SLIT2: variants seen among roughly 807,000 people sequenced by gnomAD.
SLIT2 encodes slit guidance ligand 2.
SLIT2 carries 41 observed loss-of-function variants against 185.7 expected under a neutral mutation model. That is an observed-to-expected ratio of 0.22 (90% CI 0.17 to 0.29). The LOEUF (loss-of-function observed/expected upper bound fraction) is 0.29, where lower values mean the gene tolerates loss of function less well. SLIT2 is among the 10% of genes least tolerant of loss of function. The pLI, the probability that SLIT2 is intolerant of heterozygous loss-of-function variation, is 1.00. For synonymous variants in SLIT2, 693 were observed against 680.2 expected (o/e 1.02, Z -0.29); for missense variants, 1,571 against 1,909.0 (o/e 0.82, Z 3.30).
At chr4:20,438,843 G>A (rs535771999) in intron 4 of SLIT2, among the ~76,000 whole-genome samples, 1 of 152,190 alleles carries the variant, frequency 6.6e-6, no homozygotes, top group Non-Finnish European at 1.5e-5. Context: ...TACTTAATGC[G>A]GTTTATGTGT....
In SLIT2 at chr4:20,549,068, A is replaced by G; in HGVS notation, c.2429A>G (p.Tyr810Cys). Residue 810 changes from tyrosine to cysteine, a missense_variant, in exon 24 of 37, where the codon TAC becomes TGC. Physicochemically the swap from Tyr to Cys is radical, Grantham distance 194. This residue lies in a region of SLIT2 where 1,202 missense variants were observed against 1,416.4 expected (regional missense o/e 0.85). Coordinates refer to ENST00000504154, the MANE Select transcript of SLIT2 (RefSeq NM_004787.4). Reference sequence around the variant, plus strand: ...ATGTATGCTTTCAGAATTCTTAGTTACAACCGTCTGAGATGTATTCCTCCT... The same window carrying G: ...ATGTATGCTTTCAGAATTCTTAGTTGCAACCGTCTGAGATGTATTCCTCCT... ...MTQLLTLILS[Y>C]NRLRCIPPRT... is the part of the protein sequence containing the mutation. 1 of 1,595,672 alleles carries G rather than the reference A, an allele frequency of 6.3e-7. No individual in the cohort carries two copies. Among genetic ancestry groups the G allele is most frequent in the Non-Finnish European group, 8.6e-7 (1 of 1,163,738 alleles).
chr4:20,376,162 G>T (rs1406447030), intron 4 of SLIT2, among the ~76,000 whole-genome samples: 3 of 121,690 alleles, frequency 2.5e-5, no homozygotes, highest in African/African-American at 9.7e-5. Flanking sequence ...TTAGTGTCTG[G>T]CTTCTTACAA....
At chr4:20,339,996 C>T (rs1720831418) in intron 4 of SLIT2, among the ~76,000 whole-genome samples, 1 of 152,158 alleles carries the variant, frequency 6.6e-6, no homozygotes. Flanking sequence ...TAATCCCCTC[C>T]ATCTATAATC....
intron 4 of SLIT2, among the ~76,000 whole-genome samples, chr4:20,342,043 G>A (rs1217470154): frequency 6.6e-6 from 1 of 152,080 alleles, no homozygotes; most frequent in East Asian, 1.9e-4. Flanking sequence ...AACATATTTT[G>A]TGTTCAGTTC....
intron 29 of SLIT2, among the ~76,000 whole-genome samples, chr4:20,588,882 T>C (rs1727280079): frequency 6.6e-6 from 1 of 152,204 alleles, no homozygotes; most frequent in Admixed American, 6.5e-5. Context: ...GGAAAAAATA[T>C]ATGTTCCCTG....
intron 5 of SLIT2, among the ~76,000 whole-genome samples, chr4:20,470,004 C>T (rs1454156639): frequency 6.6e-6 from 1 of 152,042 alleles, no homozygotes; most frequent in Non-Finnish European, 1.5e-5. Flanking sequence ...ATCCACCCTC[C>T]TCAGCCTCCC....
intron 4 of SLIT2, among the ~76,000 whole-genome samples, chr4:20,356,274 C>A (rs1044734674): frequency 1.3e-5 from 2 of 152,138 alleles, no homozygotes; most frequent in African/African-American, 4.8e-5. Flanking sequence ...TATGTAACCA[C>A]CTTCTACTCT....
At chr4:20,290,328 A>G (rs1715672869) in intron 4 of SLIT2, among the ~76,000 whole-genome samples, 1 of 152,242 alleles carries the variant, frequency 6.6e-6, no homozygotes, top group South Asian at 2.1e-4. Flanking sequence ...AAAAAATGAA[A>G]AAGAAATGAA....
intron 4 of SLIT2, among the ~76,000 whole-genome samples, chr4:20,291,058 C>A (rs985685752): frequency 1.3e-5 from 2 of 151,674 alleles, no homozygotes; most frequent in East Asian, 3.9e-4. Context: ...ATTTTTTTTT[C>A]ATCTGGCTCT....
At chr4:20,431,379 G>GTTATAT (rs1728962177) in intron 4 of SLIT2, among the ~76,000 whole-genome samples, 1 of 152,026 alleles carries the variant, frequency 6.6e-6, no homozygotes, top group East Asian at 1.9e-4. Flanking sequence ...AAATATTTGT[G>GTTATAT]TTTTATTTTT....
At chr4:20,409,845 G>A (rs1465202985) in intron 4 of SLIT2, among the ~76,000 whole-genome samples, 2 of 151,984 alleles carry the variant, frequency 1.3e-5, no homozygotes, top group African/African-American at 2.4e-5. Flanking sequence ...TTTTTCATAT[G>A]TTTGCTGGCC....
intron 26 of SLIT2, among the ~76,000 whole-genome samples, chr4:20,561,512 G>C (rs747201961): frequency 6.6e-6 from 1 of 151,602 alleles, no homozygotes; most frequent in Non-Finnish European, 1.5e-5. Flanking sequence ...GCATGAAGGT[G>C]ATTAAATAAT....
intron 3 of SLIT2, among the ~76,000 whole-genome samples, chr4:20,266,631 CTT>C (rs1013511138): frequency 1.3e-5 from 2 of 151,964 alleles, no homozygotes; most frequent in Non-Finnish European, 2.9e-5. Context: ...AGGCTGCTCT[CTT>C]TGGCTTTTCA....
intron 2 of SLIT2, 92 bp from the exon 3 acceptor site, chr4:20,257,776 G>T (rs1711998068): frequency 2.8e-6 from 2 of 725,578 alleles, no homozygotes. Flanking sequence ...CTTTATAAAG[G>T]GAAAGAGTTT....
chr4:20,502,568 T>C (rs1435814628), intron 9 of SLIT2, among the ~76,000 whole-genome samples: 3 of 152,190 alleles, frequency 2.0e-5, no homozygotes, highest in African/African-American at 7.2e-5. Flanking sequence ...TTGATCTGCC[T>C]TGGAGAATCA....
intron 29 of SLIT2, among the ~76,000 whole-genome samples, chr4:20,570,972 T>C (rs749894564): frequency 2.6e-5 from 4 of 151,748 alleles, no homozygotes; most frequent in Admixed American, 6.6e-5. Flanking sequence ...CCCAGCTCCC[T>C]CCCTACACCT....
intron 4 of SLIT2, among the ~76,000 whole-genome samples, chr4:20,298,472 T>C (rs1302911183): frequency 6.6e-6 from 1 of 152,202 alleles, no homozygotes; most frequent in Non-Finnish European, 1.5e-5. Context: ...TCCTTTTCTT[T>C]TGTGCCTCTT....
intron 9 of SLIT2, among the ~76,000 whole-genome samples, chr4:20,496,768 G>A (rs1038285070): frequency 6.6e-6 from 1 of 152,128 alleles, no homozygotes; most frequent in Non-Finnish European, 1.5e-5. Flanking sequence ...GTAGGCACTT[G>A]ATAAATATTT....
intron 29 of SLIT2, among the ~76,000 whole-genome samples, chr4:20,569,579 A>T (rs1266991942): frequency 6.6e-6 from 1 of 152,006 alleles, no homozygotes; most frequent in Non-Finnish European, 1.5e-5. Context: ...CTTCCTCCCT[A>T]TTCAAACCAA....
Sources: allele counts gnomAD v4.1 joint callset (sites outside exome capture counted in the v4.1 genomes callset), GRCh38; gene constraint gnomAD v4.1.1; regional missense constraint gnomAD v4.1.1; transcripts MANE v1.5; gene names NCBI Gene and HGNC (gene_info 2026-07-23, HGNC 2026-07-21).